The following TSPAN12 variants were observed in gnomAD, a reference collection of about 807,000 sequenced individuals.
TSPAN12 encodes the protein tetraspanin-12.
Under a neutral mutation model 39.2 loss-of-function variants are expected in TSPAN12, and 19 were observed. The ratio of observed to expected loss-of-function variants is 0.49; its 90% confidence interval spans 0.34 to 0.71. The LOEUF (loss-of-function observed/expected upper bound fraction) is 0.71. TSPAN12 is among the 30% of genes least tolerant of loss of function. The pLI is 0.01. For synonymous variants in TSPAN12, 119 were observed against 124.8 expected (o/e 0.95, Z 0.31); for missense variants, 314 against 359.9 (o/e 0.87, Z 1.03).
chr7:120,810,624 TCACACACACACACACA>T (rs112555207), intron 5 of TSPAN12, 54 bp from the exon 6 acceptor site: 7 of 716,314 alleles, frequency 9.8e-6, no homozygotes, highest in African/African-American at 3.6e-5. Flanking sequence ...AGACACAGAT[TCACACACACACACACA>T]CACACACACA....
intron 6 of TSPAN12, among the ~76,000 whole-genome samples, chr7:120,809,123 C>T (rs906266290): frequency 1.3e-5 from 2 of 152,000 alleles, no homozygotes; most frequent in Non-Finnish European, 2.9e-5. Context: ...TCTCCATTTA[C>T]ATAAAATAGT....
chr7:120,836,582 C>G (rs886526207), intron 4 of TSPAN12, among the ~76,000 whole-genome samples: 3 of 152,174 alleles, frequency 2.0e-5, no homozygotes, highest in African/African-American at 7.2e-5. Context: ...TCCTCTCTGG[C>G]CTCAATAGCA....
chr7:120,854,440 T>G (rs1794831786), intron 2 of TSPAN12, among the ~76,000 whole-genome samples: 1 of 152,228 alleles, frequency 6.6e-6, no homozygotes, highest in Non-Finnish European at 1.5e-5. Context: ...TAGCACTTAT[T>G]ATGTGCCACT....
intron 4 of TSPAN12, among the ~76,000 whole-genome samples, chr7:120,832,675 C>T (rs1239889892): frequency 6.6e-6 from 1 of 152,006 alleles, no homozygotes; most frequent in East Asian, 1.9e-4. Flanking sequence ...TCACCCCTTT[C>T]ATCTTTGTTC....
chr7:120,788,676 CA>C lies in TSPAN12; in HGVS notation c.833del (p.Leu278ArgfsTer2). 1 of 1,614,146 alleles carries C rather than the reference CA, an allele frequency of 6.2e-7. No homozygotes were observed. Among genetic ancestry groups the C allele is most frequent in the Non-Finnish European group, 8.5e-7 (1 of 1,179,994 alleles). On this transcript the variant is annotated frameshift_variant, in exon 8 of 8. Transcript: ENST00000222747. LOFTEE classifies it high-confidence loss of function. ...AGATTCTTGACAGGCTTGGTTTCAACAGTTCTACTGAGGGACATGACAGGTG... is the reference window on the plus strand; with the variant it reads ...AGATTCTTGACAGGCTTGGTTTCAACGTTCTACTGAGGGACATGACAGGTG... ...SQHLSCPSVELLKPSLSRIFE... is the reference protein window; with the variant it reads ...SQHLSCPSVEXLKPSLSRIFE...
intron 4 of TSPAN12, among the ~76,000 whole-genome samples, chr7:120,822,761 C>T (rs1794211522): frequency 6.6e-6 from 1 of 152,098 alleles, no homozygotes; most frequent in South Asian, 2.1e-4. Context: ...ACTACCCTAC[C>T]TTCACCAATA....
Position 120,814,858 on chromosome 7 carries a change from G to A in TSPAN12, c.360+871C>T, listed in dbSNP as rs539058098. Reference sequence around the variant, plus strand: ...GGAACTGTGAGAGTGTTTCTAGATCGTGCCAAACACACAGCAACTCTTCAA... The same window carrying A: ...GGAACTGTGAGAGTGTTTCTAGATCATGCCAAACACACAGCAACTCTTCAA... On this transcript the variant is annotated intron_variant, in intron 5 of 7. Coordinates refer to ENST00000222747, the MANE Select transcript of TSPAN12 (RefSeq NM_012338.4). Among the ~76,000 whole-genome samples the A allele has an allele frequency of 2.1e-4, 32 of 152,286 alleles. No individual in the cohort carries two copies. In the East Asian group the frequency reaches 2.5e-3, roughly 12 times the overall value.
intron 2 of TSPAN12, among the ~76,000 whole-genome samples, chr7:120,849,681 A>T (rs1794735107): frequency 6.6e-6 from 1 of 152,234 alleles, no homozygotes; most frequent in Admixed American, 6.5e-5. Flanking sequence ...AACTTTCATA[A>T]TTTTTATTGG....
At chr7:120,789,180 AG>A (rs1408132140) in intron 7 of TSPAN12, among the ~76,000 whole-genome samples, 2 of 152,192 alleles carry the variant, frequency 1.3e-5, no homozygotes, top group Non-Finnish European at 2.9e-5. Flanking sequence ...CATCTAAAGC[AG>A]GGGTTGACAA....
chr7:120,790,604 G>A (rs1055317755), intron 7 of TSPAN12, among the ~76,000 whole-genome samples: 4 of 152,204 alleles, frequency 2.6e-5, no homozygotes, highest in African/African-American at 9.6e-5. Context: ...CAGAAGCACA[G>A]CATTATGTCA....
intron 3 of TSPAN12, among the ~76,000 whole-genome samples, chr7:120,839,145 T>C (rs1794533157): frequency 2.0e-5 from 3 of 152,192 alleles, no homozygotes. Context: ...AGTGGTAGCT[T>C]TCCTACCCCA....
Position 120,840,671 on chromosome 7 carries a change from T to C in TSPAN12, c.67-562A>G, listed in dbSNP as rs1258291948. Among the ~76,000 whole-genome samples the C allele has an allele frequency of 1.3e-5, 2 of 152,196 alleles. 1 individual carries two copies. Among genetic ancestry groups the C allele is most frequent in the Non-Finnish European group, 2.9e-5 (2 of 68,036 alleles). ...GTATATAAACTCATAATGAACAAAA[T>C]TCTCTGGTCTTTGTAGAAAGTTGAA... On this transcript the variant is annotated intron_variant, in intron 2 of 7. Transcript: ENST00000222747.
intron 5 of TSPAN12, among the ~76,000 whole-genome samples, chr7:120,812,235 A>G (rs1271280976): frequency 6.6e-6 from 1 of 152,180 alleles, no homozygotes; most frequent in Non-Finnish European, 1.5e-5. Flanking sequence ...ATTACTGGCC[A>G]GAAATCTGGT....
chr7:120,850,806 C>T (rs1269785286), intron 2 of TSPAN12, among the ~76,000 whole-genome samples: 1 of 151,910 alleles, frequency 6.6e-6, no homozygotes, highest in Admixed American at 6.6e-5. Flanking sequence ...TCTCCTGCCT[C>T]AGTCCCCCCA....
intron 4 of TSPAN12, among the ~76,000 whole-genome samples, chr7:120,817,430 G>C (rs1477974560): frequency 6.6e-6 from 1 of 151,452 alleles, no homozygotes; most frequent in Admixed American, 6.6e-5. Flanking sequence ...ATAGCCGAGG[G>C]TGGAATTGAA....
chr7:120,820,947 C>A (rs905476675), intron 4 of TSPAN12, among the ~76,000 whole-genome samples: 5 of 151,958 alleles, frequency 3.3e-5, no homozygotes, highest in Non-Finnish European at 7.4e-5. Context: ...CTATAATAAT[C>A]CAGTATGCCT....
chr7:120,803,870 A>G (rs1361278543), intron 7 of TSPAN12, among the ~76,000 whole-genome samples: 1 of 152,176 alleles, frequency 6.6e-6, no homozygotes, highest in Non-Finnish European at 1.5e-5. Flanking sequence ...ATTAGTGAAA[A>G]CAATCTAAGA....
intron 4 of TSPAN12, 65 bp downstream of exon 4, chr7:120,838,712 T>G: frequency 1.3e-6 from 2 of 1,546,836 alleles, no homozygotes; most frequent in Non-Finnish European, 1.8e-6. Context: ...TGTGAACTGA[T>G]TAAAAAATAA....
At chr7:120,822,700 G>A (rs1374164940) in intron 4 of TSPAN12, among the ~76,000 whole-genome samples, 7 of 152,060 alleles carry the variant, frequency 4.6e-5, no homozygotes, top group Admixed American at 2.6e-4. Context: ...TTAGGAAGAA[G>A]TTAGACCTCC....
Sources: gnomAD v4.1 joint callset for allele counts (sites outside exome capture counted in the v4.1 genomes callset) on GRCh38, gnomAD v4.1.1 for gene constraint, MANE v1.5 for transcripts, NCBI Gene and HGNC (gene_info 2026-07-23, HGNC 2026-07-21) for gene names.